ARHGEF1: variants seen among roughly 807,000 people sequenced by gnomAD.
The protein encoded by ARHGEF1 is 115 kDa guanine nucleotide exchange factor.
A neutral mutation model predicts 119.7 loss-of-function variants in ARHGEF1; 40 were observed. The observed-to-expected ratio is 0.33, with a 90% CI of 0.26 to 0.44. The LOEUF (loss-of-function observed/expected upper bound fraction) is 0.44, where lower values mean the gene tolerates loss of function less well. ARHGEF1 is among the 20% of genes least tolerant of loss of function. The pLI is 1.00. For missense variants in ARHGEF1, 976 were observed against 1,268.3 expected, an observed-to-expected ratio of 0.77 and a Z score of 3.50; for synonymous variants, 494 against 521.0, an observed-to-expected ratio of 0.95 and a Z score of 0.71.
chr19:41,885,823 G>A (rs1262787475), intron 1 of ARHGEF1, among the ~76,000 whole-genome samples: 1 of 151,960 alleles, frequency 6.6e-6, no homozygotes, highest in Admixed American at 6.6e-5. Flanking sequence ...CACAATTTTG[G>A]CTCACTGCAA....
rs2074682269 is a variant in ARHGEF1 at position 41,905,690 on chromosome 19, C to G, written c.2337-70C>G. On this transcript the variant is annotated intron_variant, in intron 24 of 28. Coordinates refer to ENST00000354532, the MANE Select transcript of ARHGEF1 (RefSeq NM_004706.4). This position sits in a 1 kb window ranked among gnomAD's most constrained non-coding sequence, Gnocchi z 6.4. ...CCTCCCTGCCTCCCCACCTCCAGCTCTCTGTCTCCCTGCCCCTGCGGCCCC... is the reference window on the plus strand; with the variant it reads ...CCTCCCTGCCTCCCCACCTCCAGCTGTCTGTCTCCCTGCCCCTGCGGCCCC... 1.3e-6 allele frequency: 2 copies of G among 1,546,084 alleles called. No homozygotes were observed. The highest frequency in any genetic ancestry group is 4.5e-5 in the East Asian group (2 of 44,466).
intron 1 of ARHGEF1, among the ~76,000 whole-genome samples, chr19:41,924,736 T>A (rs530625775): frequency 9.3e-4 from 142 of 152,226 alleles, no homozygotes; most frequent in Non-Finnish European, 1.4e-3. Flanking sequence ...AGGCGACACA[T>A]GTGTCTAACA....
Position 41,916,943 on chromosome 19 carries a change from C to T in ARHGEF1, c.1866-6149C>T, listed in dbSNP as rs1555852009. On this transcript the variant is annotated intron_variant, in intron 18 of 20. Coordinates refer to the ARHGEF1 transcript ENST00000599589. The surrounding 1 kb of genome is among the most constrained non-coding windows in gnomAD (Gnocchi z 5.4). ...CAACCCAAGGCCCCTGCCACTCCTGCTCCCACCATCCCCATCTGTCTGCCT... is the reference window on the plus strand; with the variant it reads ...CAACCCAAGGCCCCTGCCACTCCTGTTCCCACCATCCCCATCTGTCTGCCT... Among the ~76,000 whole-genome samples the T allele has an allele frequency of 6.6e-6, 1 of 152,206 alleles. No homozygotes were observed. Among genetic ancestry groups the T allele is most frequent in the Non-Finnish European group, 1.5e-5 (1 of 68,032 alleles).
At position 41,895,413 on chromosome 19, in the gene ARHGEF1, C is replaced by T. The variant is rs142488956; in HGVS notation, c.942C>T (p.Ile314=). 3.3e-5 allele frequency: 54 copies of T among 1,612,602 alleles called. No homozygotes were observed. In the Admixed American group the frequency reaches 4.7e-4, roughly 14 times the overall value. ...GVGMPSRDRN[I]GAPGQDTPGV... is the part of the protein sequence containing the mutation. ...GGATGCCCTCTCGGGACCGGAATAT[C>T]GGGGCTCCTGGGCAGGACACCCCTG... is the stretch of plus-strand genomic sequence containing the variant. Residue 314 remains isoleucine, a synonymous_variant, in exon 12 of 29, where the codon ATC becomes ATT. Transcript: ENST00000354532.
At chr19:41,891,984 A>G (rs782120119) in intron 4 of ARHGEF1, 41 bp from the exon 5 acceptor site, 2 of 1,525,982 alleles carry the variant, frequency 1.3e-6, no homozygotes, top group East Asian at 2.3e-5. Flanking sequence ...GGTTTGAGGC[A>G]GGGTGAGGGA....
upstream of ARHGEF1, among the ~76,000 whole-genome samples, chr19:41,918,596 C>A (rs1174027076): frequency 6.8e-6 from 1 of 147,798 alleles, no homozygotes; most frequent in Non-Finnish European, 1.5e-5. Context: ...CATACACTAC[C>A]CATCACAGAC....
At chr19:41,896,235 C>T (rs765488976) in intron 12 of ARHGEF1, 142 bp from the exon 13 acceptor site, 10 of 449,546 alleles carry the variant, frequency 2.2e-5, no homozygotes, top group African/African-American at 6.1e-5. Flanking sequence ...AACATCTGTC[C>T]GTCCCGTGCT....
chr19:41,898,306 G>C (rs537525896), intron 13 of ARHGEF1, 136 bp from the exon 14 acceptor site: 193 of 1,398,656 alleles, frequency 1.4e-4, no homozygotes, highest in Middle Eastern at 5.3e-4. Flanking sequence ...CCGATCTAGA[G>C]ACCTGGTCTG....
Position 41,903,616 on chromosome 19 carries a change from T to C in ARHGEF1, c.1840-91T>C. 1 of 1,390,774 alleles carries C rather than the reference T, an allele frequency of 7.2e-7. No individual in the cohort carries two copies. The highest frequency in any genetic ancestry group is 1.0e-6 in the Non-Finnish European group (1 of 996,206). 86.2% of individuals were successfully genotyped at this position (1,390,774 alleles called of 1,614,324 possible). On this transcript the variant is annotated intron_variant, in intron 19 of 28. Coordinates refer to ENST00000354532, the MANE Select transcript of ARHGEF1 (RefSeq NM_004706.4). The surrounding 1 kb of genome is among the most constrained non-coding windows in gnomAD (Gnocchi z 4.2). ...ACCCTCAGCTTGCCCGCATCAGAAG[T>C]TGGTCTTGGCTCTCATCTTACCAAT...
chr19:41,924,843 GAAGCA>G (rs1352841231), intron 1 of ARHGEF1, among the ~76,000 whole-genome samples: 1 of 152,172 alleles, frequency 6.6e-6, no homozygotes, highest in Non-Finnish European at 1.5e-5. Flanking sequence ...TTTCTGGAGA[GAAGCA>G]GGTTGGAGAC....
chr19:41,904,133 A>G lies in ARHGEF1; in HGVS notation c.1993+23A>G. ...TGGGTGAGTGCCAGAGCAGCTGCCT[A>G]GTGCAGGGTGTTGGGGCAGTGAGCC... On this transcript the variant is annotated intron_variant, in intron 21 of 28. Coordinates refer to ENST00000354532, the MANE Select transcript of ARHGEF1 (RefSeq NM_004706.4). This position sits in a 1 kb window ranked among gnomAD's most constrained non-coding sequence, Gnocchi z 8.4. The G allele has an allele frequency of 1.2e-6, 2 of 1,614,162 alleles. No homozygotes were observed. Among genetic ancestry groups the G allele is most frequent in the African/African-American group, 2.7e-5 (2 of 75,064 alleles).
rs1555850258 is a variant in ARHGEF1, at chr19:41,906,584, C to A, written c.2619C>A (p.Asn873Lys). The A allele has an allele frequency of 1.2e-6, 2 of 1,605,148 alleles. No individual in the cohort carries two copies. The highest frequency in any genetic ancestry group is 1.8e-5 in the Admixed American group (1 of 56,758). Residue 873 changes from asparagine (N) to lysine (K), a missense_variant, in exon 27 of 29, where the codon AAC becomes AAA. Physicochemically the swap from Asn to Lys is moderately conservative, Grantham distance 94. This residue lies in a region of ARHGEF1 where 171 missense variants were observed against 180.6 expected (regional missense o/e 0.95). Coordinates refer to ENST00000354532, the MANE Select transcript of ARHGEF1 (RefSeq NM_004706.4). The surrounding 1 kb of genome is among the most constrained non-coding windows in gnomAD (Gnocchi z 4.5). ...SPARTQEIQE[N>K]LLSLEETMKQ... ...CACGGACCCAGGAAATCCAGGAGAACCTGCTCAGCTTGGAGGAGACCATGA... is the reference window on the plus strand; with the variant it reads ...CACGGACCCAGGAAATCCAGGAGAAACTGCTCAGCTTGGAGGAGACCATGA...
intron 18 of ARHGEF1, among the ~76,000 whole-genome samples, chr19:41,914,203 C>T (rs1223354880): frequency 1.3e-5 from 2 of 151,130 alleles, no homozygotes; most frequent in Non-Finnish European, 3.0e-5. Flanking sequence ...CCTCCCCTGT[C>T]CCAGGCCCCC....
intron 18 of ARHGEF1, among the ~76,000 whole-genome samples, chr19:41,915,773 GC>G (rs1348658272): frequency 6.6e-6 from 1 of 151,918 alleles, no homozygotes; most frequent in Non-Finnish European, 1.5e-5. Flanking sequence ...TGCCCCTGGC[GC>G]CCCCCTGGCC....
rs558265590 is a variant in ARHGEF1 at position 41,917,912 on chromosome 19, C to T, written c.1866-5180C>T. Among the ~76,000 whole-genome samples, 61 of 152,094 alleles carry T rather than the reference C, an allele frequency of 4.0e-4. No homozygotes were observed. Among genetic ancestry groups the T allele is most frequent in the African/African-American group, 1.2e-3 (49 of 41,430 alleles). On this transcript the variant is annotated intron_variant, in intron 18 of 20. Coordinates refer to the ARHGEF1 transcript ENST00000599589. This position sits in a 1 kb window ranked among gnomAD's most constrained non-coding sequence, Gnocchi z 4.8. Reference sequence around the variant, plus strand: ...ATCTGGGTGCACGAAGCCAGCTCCCCGCGGTCACACACTGTGTGTGTGTGT... The same window carrying T: ...ATCTGGGTGCACGAAGCCAGCTCCCTGCGGTCACACACTGTGTGTGTGTGT...
Position 41,905,702 on chromosome 19 carries a change from GCC to G in ARHGEF1, c.2337-55_2337-54del. 6.3e-7 allele frequency: 1 copy of G among 1,583,482 alleles called. No homozygotes were observed. Among genetic ancestry groups the G allele is most frequent in the Non-Finnish European group, 8.6e-7 (1 of 1,156,400 alleles). On this transcript the variant is annotated intron_variant, in intron 24 of 28. Coordinates refer to ENST00000354532, the MANE Select transcript of ARHGEF1 (RefSeq NM_004706.4). The surrounding 1 kb of genome is among the most constrained non-coding windows in gnomAD (Gnocchi z 6.4). The stretch of plus-strand genomic sequence containing the variant: ...CCCACCTCCAGCTCTCTGTCTCCCT[GCC>G]CCTGCGGCCCCCCAGGGCCAGGGGT...
At position 41,906,015 on chromosome 19, in the gene ARHGEF1, C is replaced by T; in HGVS notation, c.2481C>T (p.Ala827=). 6.2e-7 allele frequency: 1 copy of T among 1,613,960 alleles called. No individual in the cohort carries two copies. Among genetic ancestry groups the T allele is most frequent in the Non-Finnish European group, 8.5e-7 (1 of 1,179,974 alleles). The part of the protein sequence containing the change: ...PGPEGQLAAT[A]LRKVLSLKQL... ...CCGAGGGCCAGCTCGCTGCCACGGC[C>T]CTTCGGAAAGGTAGCCCAGCTCTGC... is the stretch of plus-strand genomic sequence containing the variant. The change falls in exon 26 of 29, where the codon GCC becomes GCT. Residue 827 remains alanine, a synonymous_variant. Coordinates refer to ENST00000354532, the MANE Select transcript of ARHGEF1 (RefSeq NM_004706.4). The surrounding 1 kb of genome is among the most constrained non-coding windows in gnomAD (Gnocchi z 4.5).
rs1003046556 is a variant in ARHGEF1, at chr19:41,907,333, C to G, written c.*246C>G. ...CCATTCTGGAGGGCACCACGGTGACCCGGGCCATCTCAGTATTGCCTGTGG... is the reference window on the plus strand; with the variant it reads ...CCATTCTGGAGGGCACCACGGTGACGCGGGCCATCTCAGTATTGCCTGTGG... On this transcript the variant is annotated 3_prime_UTR_variant, in exon 29 of 29. Transcript: ENST00000354532. 1.1e-5 allele frequency: 17 copies of G among 1,534,576 alleles called. No homozygotes were observed. In the African/African-American group the frequency reaches 2.2e-4, roughly 20 times the overall value.
At position 41,902,936 on chromosome 19, in the gene ARHGEF1, C is replaced by CCT; in HGVS notation, c.1738+38_1738+39insCT. ...TGGATCTCTGGGCCTCGGCTCTCCT[C>CCT]TTTTTTTTTTACATTTTTTTTCTCA... On this transcript the variant is annotated intron_variant, in intron 18 of 28. Transcript: ENST00000354532. The surrounding 1 kb of genome is among the most constrained non-coding windows in gnomAD (Gnocchi z 6.5). The CCT allele has an allele frequency of 7.9e-7, 1 of 1,267,874 alleles. No individual in the cohort carries two copies. The highest frequency in any genetic ancestry group is 1.1e-6 in the Non-Finnish European group (1 of 937,016). 78.5% of individuals were successfully genotyped at this position (1,267,874 alleles called of 1,614,324 possible).
Sources: allele counts gnomAD v4.1 joint callset (sites outside exome capture counted in the v4.1 genomes callset), GRCh38; gene constraint gnomAD v4.1.1; regional missense constraint gnomAD v4.1.1; non-coding constraint Gnocchi (gnomAD v3.1); transcripts MANE v1.5; gene names NCBI Gene and HGNC (gene_info 2026-07-23, HGNC 2026-07-21).